The following ASPM variants were observed in gnomAD, a reference collection of about 807,000 sequenced individuals.
ASPM encodes assembly factor for spindle microtubules, also known as abnormal spindle-like microcephaly-associated protein.
In ASPM, 256 loss-of-function variants were observed where a neutral mutation model predicts 366.4. That is an observed-to-expected ratio of 0.70 (90% CI 0.63 to 0.77). The LOEUF is 0.77. Ranked by LOEUF, ASPM falls within the 30% of genes least tolerant of loss-of-function variation. ASPM has a pLI of 0.00. For missense variants in ASPM, 4,146 were observed against 4,090.4 expected, an observed-to-expected ratio of 1.01 and a Z score of -0.37; for synonymous variants, 1,414 against 1,342.9, an observed-to-expected ratio of 1.05 and a Z score of -1.16.
chr1:197,107,358 G>T lies in ASPM; in HGVS notation c.4066-2173C>A, dbSNP rs193077916. 2.0e-5 allele frequency among the ~76,000 whole-genome samples: 3 copies of T among 152,174 alleles called. No individual in the cohort carries two copies. In the East Asian group the frequency reaches 5.8e-4, roughly 29 times the overall value. On this transcript the variant is annotated intron_variant, in intron 17 of 27. Transcript: ENST00000367409. ...CACTCACTGTAAAGGCTTTCAAAAA[G>T]GAACTGTCACTGAAGCTACGCTCAT...
intron 13 of ASPM, 120 bp from the exon 14 acceptor site, chr1:197,122,715 G>A: frequency 1.1e-6 from 1 of 949,926 alleles, no homozygotes; most frequent in South Asian, 1.4e-5. Flanking sequence ...TACAAGGCAA[G>A]TAATGGCAAG....
At chr1:197,116,597 C>A (rs1657744095) in intron 17 of ASPM, among the ~76,000 whole-genome samples, 1 of 152,008 alleles carries the variant, frequency 6.6e-6, no homozygotes, top group African/African-American at 2.4e-5. Flanking sequence ...AACAATTGTA[C>A]TCCTAGTACA....
chr1:197,102,347 T>C lies in ASPM; in HGVS notation c.6904A>G (p.Thr2302Ala). The C allele has an allele frequency of 1.2e-6, 2 of 1,612,710 alleles. No individual in the cohort carries two copies. The highest frequency in any genetic ancestry group is 1.7e-4 in the Middle Eastern group (1 of 6,050). ...TGAAGGAACTGTAAGTGATGCTTTG[T>C]ACAAAGATGTGCCCGATATTTTCTC... ...IQRKYRAHLCTKHHLQFLQVQ... is the reference protein window; with the variant it reads ...IQRKYRAHLCAKHHLQFLQVQ... The change falls in exon 18 of 28, where the codon ACA (threonine) becomes GCA (alanine). Residue 2302 changes from threonine to alanine, a missense_variant. Transcript: ENST00000367409.
At chr1:197,121,612 G>A (rs1657906837) in intron 16 of ASPM, among the ~76,000 whole-genome samples, 1 of 152,016 alleles carries the variant, frequency 6.6e-6, no homozygotes, top group African/African-American at 2.4e-5. Context: ...AGGAAAGGAA[G>A]AGCTGAGTCA....
chr1:197,139,789 G>T lies in ASPM; in HGVS notation c.2004C>A (p.Thr668=), dbSNP rs377625262. The T allele has an allele frequency of 6.2e-7, 1 of 1,609,516 alleles. No individual in the cohort carries two copies. The highest frequency in any genetic ancestry group is 1.3e-5 in the African/African-American group (1 of 74,800). The change falls in exon 4 of 28, where the codon ACC becomes ACA. Residue 668 remains threonine (T), a synonymous_variant. Transcript: ENST00000367409. ...PIIAVAQSSL[T]FIKPLKTDIP... Reference sequence around the variant, plus strand: ...TGCCTGTTTTTAATGGTTTTATGAAGGTCAAACTGGACTGTGCCACAGCGA... The same window carrying T: ...TGCCTGTTTTTAATGGTTTTATGAATGTCAAACTGGACTGTGCCACAGCGA...
Position 197,103,646 on chromosome 1 carries a change from T to C in ASPM, c.5605A>G (p.Thr1869Ala), listed in dbSNP as rs184759269. 272 of 1,612,902 alleles carry C rather than the reference T, an allele frequency of 1.7e-4. 1 individual carries two copies. Among genetic ancestry groups the C allele is most frequent in the Non-Finnish European group, 8.5e-6 (10 of 1,179,390 alleles). ...RAYKTLHDTR[T>A]HFLKTKAAVI... is the part of the protein sequence containing the mutation. ...GCTGCCTTTGTCTTCAAAAAATGTG[T>C]TCTTGTATCATGAAGAGTCTTGTAC... The change falls in exon 18 of 28, where the codon ACA becomes GCA. Residue 1869 changes from threonine (T) to alanine (A), a missense_variant. Around this residue, in one of 3 missense-constraint regions of ASPM, gnomAD observed 3,624 missense variants for 3,591.7 expected, o/e 1.01. Coordinates refer to ENST00000367409, the MANE Select transcript of ASPM (RefSeq NM_018136.5).
At chr1:197,108,993 A>G (rs905890410) in intron 17 of ASPM, among the ~76,000 whole-genome samples, 90 of 146,312 alleles carry the variant, frequency 6.2e-4, no homozygotes, top group Non-Finnish European at 1.2e-3. Context: ...AAAAAAAAAA[A>G]GTCCAGAGAA....
At position 197,146,123 on chromosome 1, in the gene ASPM, G is replaced by C. The variant is rs538255813; in HGVS notation, c.297+18C>G. 2.2e-5 allele frequency: 36 copies of C among 1,613,788 alleles called. No homozygotes were observed. The South Asian group carries it at 3.7e-4, about 17-fold the overall frequency. On this transcript the variant is annotated intron_variant, in intron 1 of 27. Transcript: ENST00000367409. Reference sequence around the variant, plus strand: ...GAAGCAGAACACCGGCCTGGAGCACGCTCCTCCTGAGACCTACCTGCAACA... The same window carrying C: ...GAAGCAGAACACCGGCCTGGAGCACCCTCCTCCTGAGACCTACCTGCAACA...
In ASPM at chr1:197,103,243, T is replaced by C; in HGVS notation, c.6008A>G (p.Tyr2003Cys). The change falls in exon 18 of 28, where the codon TAT becomes TGT. Residue 2003 changes from tyrosine to cysteine, a missense_variant. Around this residue, in one of 3 missense-constraint regions of ASPM, gnomAD observed 3,624 missense variants for 3,591.7 expected, o/e 1.01. Coordinates refer to ENST00000367409, the MANE Select transcript of ASPM (RefSeq NM_018136.5). ...TCTTCCAATACTGTAAGCCCTATAATACTTTTGAATCAGAAGAGCAGCTTT... is the reference window on the plus strand; with the variant it reads ...TCTTCCAATACTGTAAGCCCTATAACACTTTTGAATCAGAAGAGCAGCTTT... Reference protein sequence around the residue: ...MKKAALLIQKYYRAYSIGREQ... With the variant: ...MKKAALLIQKCYRAYSIGREQ... 1.2e-6 allele frequency: 2 copies of C among 1,612,820 alleles called. No homozygotes were observed. Among genetic ancestry groups the C allele is most frequent in the Non-Finnish European group, 8.5e-7 (1 of 1,179,320 alleles).
At chr1:197,109,870 CAAAAT>C (rs1057457911) in intron 17 of ASPM, among the ~76,000 whole-genome samples, 25 of 151,600 alleles carry the variant, frequency 1.6e-4, no homozygotes, top group African/African-American at 5.1e-4. Flanking sequence ...ATAATAGCTC[CAAAAT>C]AAAATAAGAT....
chr1:197,089,018 A>G (rs1319136186), intron 25 of ASPM, among the ~76,000 whole-genome samples: 1 of 151,960 alleles, frequency 6.6e-6, no homozygotes, highest in Non-Finnish European at 1.5e-5. Flanking sequence ...TAACAAAACA[A>G]CATAGCTGAC....
chr1:197,124,354 T>C (rs746693680), intron 12 of ASPM, 23 bp from the exon 13 acceptor site: 32 of 1,431,142 alleles, frequency 2.2e-5, no homozygotes, highest in Non-Finnish European at 2.5e-5. Context: ...CAAAAAAAGA[T>C]AAATACCTTC....
intron 17 of ASPM, among the ~76,000 whole-genome samples, chr1:197,113,251 A>C (rs1193489426): frequency 6.6e-6 from 1 of 152,192 alleles, no homozygotes; most frequent in Non-Finnish European, 1.5e-5. Flanking sequence ...TTGGAAGATT[A>C]TCAGGTACTA....
intron 4 of ASPM, 62 bp from the exon 5 acceptor site, chr1:197,135,304 GCAA>G: frequency 6.6e-7 from 1 of 1,505,544 alleles, no homozygotes; most frequent in Non-Finnish European, 9.2e-7. Flanking sequence ...ACAATATACA[GCAA>G]AAGTCATTTT....
Position 197,100,597 on chromosome 1 carries a change from G to A in ASPM, c.8654C>T (p.Ala2885Val), listed in dbSNP as rs1188579893. 1 of 1,611,900 alleles carries A rather than the reference G, an allele frequency of 6.2e-7. No individual in the cohort carries two copies. The highest frequency in any genetic ancestry group is 8.5e-7 in the Non-Finnish European group (1 of 1,178,788). Residue 2885 changes from alanine (A) to valine (V), a missense_variant, in exon 18 of 28, where the codon GCA (alanine) becomes GTA (valine). Physicochemically the swap from Ala to Val is moderately conservative, Grantham distance 64. Coordinates refer to ENST00000367409, the MANE Select transcript of ASPM (RefSeq NM_018136.5). ...GTAGTGATTTTGTAAAACCACTGCTGCTTTTCTATATAGTAAAAACTGTTT... is the reference window on the plus strand; with the variant it reads ...GTAGTGATTTTGTAAAACCACTGCTACTTTTCTATATAGTAAAAACTGTTT... ...TRKQFLLYRK[A>V]AVVLQNHYRA...
chr1:197,136,760 C>T (rs1658430235), intron 4 of ASPM, among the ~76,000 whole-genome samples: 1 of 152,074 alleles, frequency 6.6e-6, no homozygotes, highest in Non-Finnish European at 1.5e-5. Context: ...TATTAAAACT[C>T]TCCATGCTAC....
At position 197,103,770 on chromosome 1, in the gene ASPM, A is replaced by T. The variant is rs1360904463; in HGVS notation, c.5481T>A (p.Ala1827=). Residue 1827 remains alanine, a synonymous_variant, in exon 18 of 28, where the codon GCT becomes GCA. Transcript: ENST00000367409. ...TAAAAGCAGACTGAATTTTAAGAGC[A>T]GCTATAGATTGTTGTTTGATTAGCT... ...VRQLIKQQSI[A]ALKIQSAFRG... 27 of 1,612,922 alleles carry T rather than the reference A, an allele frequency of 1.7e-5. No individual in the cohort carries two copies. The highest frequency in any genetic ancestry group is 2.2e-5 in the Non-Finnish European group (26 of 1,179,380).
chr1:197,116,452 T>G (rs1657739773), intron 17 of ASPM, among the ~76,000 whole-genome samples: 1 of 152,170 alleles, frequency 6.6e-6, no homozygotes. Context: ...AAAGTGAGCA[T>G]ATCCTGTTGG....
At position 197,103,234 on chromosome 1, in the gene ASPM, G is replaced by A; in HGVS notation, c.6017C>T (p.Ala2006Val). 1 of 1,612,736 alleles carries A rather than the reference G, an allele frequency of 6.2e-7. No individual in the cohort carries two copies. The highest frequency in any genetic ancestry group is 8.5e-7 in the Non-Finnish European group (1 of 1,179,358). ...ATTCTGTTCTCTTCCAATACTGTAA[G>A]CCCTATAATACTTTTGAATCAGAAG... ...AALLIQKYYRAYSIGREQNHL... is the reference protein window; with the variant it reads ...AALLIQKYYRVYSIGREQNHL... The change falls in exon 18 of 28, where the codon GCT (alanine) becomes GTT (valine). Residue 2006 changes from alanine (A) to valine (V), a missense_variant. This residue lies in a region of ASPM where 3,624 missense variants were observed against 3,591.7 expected (regional missense o/e 1.01). Coordinates refer to ENST00000367409, the MANE Select transcript of ASPM (RefSeq NM_018136.5).
Sources: allele counts gnomAD v4.1 joint callset (sites outside exome capture counted in the v4.1 genomes callset), GRCh38; gene constraint gnomAD v4.1.1; regional missense constraint gnomAD v4.1.1; transcripts MANE v1.5; gene names NCBI Gene and HGNC (gene_info 2026-07-23, HGNC 2026-07-21).